Variants in SLC39A11 observed in about 807,000 individuals in gnomAD.
SLC39A11 encodes the protein zinc transporter ZIP11.
In SLC39A11, 33 loss-of-function variants were observed where a neutral mutation model predicts 36.1. That is an observed-to-expected ratio of 0.91 (90% confidence interval 0.69 to 1.22). The LOEUF is 1.22. Ranked by LOEUF, SLC39A11 falls within the 50% of genes most tolerant of loss-of-function variation. The pLI is 0.00. For missense variants in SLC39A11, 432 were observed against 430.3 expected, an observed-to-expected ratio of 1.00 and a Z score of -0.03; for synonymous variants, 166 against 170.3, an observed-to-expected ratio of 0.97 and a Z score of 0.20.
intron 6 of SLC39A11, among the ~76,000 whole-genome samples, chr17:72,800,180 C>T (rs1282290810): frequency 6.6e-6 from 1 of 152,116 alleles, no homozygotes; most frequent in African/African-American, 2.4e-5. Flanking sequence ...GACCTCCATC[C>T]CTGAGGCAGG....
chr17:73,030,358 T>C (rs1375661654), intron 4 of SLC39A11, among the ~76,000 whole-genome samples: 2 of 152,238 alleles, frequency 1.3e-5, no homozygotes, highest in Non-Finnish European at 2.9e-5. Flanking sequence ...ACAAGGAATC[T>C]GTTTTACATT....
At chr17:72,754,022 A>G (rs763986500) in intron 6 of SLC39A11, among the ~76,000 whole-genome samples, 259 of 17,906 alleles carry the variant, frequency 0.014, 1 homozygote, top group African/African-American at 0.056. Flanking sequence ...GTATATATGT[A>G]TATATATATA....
chr17:72,812,830 G>C (rs948689349), intron 6 of SLC39A11, among the ~76,000 whole-genome samples: 4 of 152,098 alleles, frequency 2.6e-5, no homozygotes, highest in Non-Finnish European at 5.9e-5. Context: ...TGCTTGGGGG[G>C]GTTTAGTTTT....
At chr17:72,704,906 G>T (rs139566122) in intron 7 of SLC39A11, among the ~76,000 whole-genome samples, 1 of 152,128 alleles carries the variant, frequency 6.6e-6, no homozygotes, top group Non-Finnish European at 1.5e-5. Context: ...GAGAGGAGAC[G>T]GTCTATTTTG....
rs571141770 is a variant in SLC39A11, at chr17:72,699,956, A to G, written c.671+36694T>C. Reference sequence around the variant, plus strand: ...CCCACACCAAAAAAATCAGTCCACGAAAAACCTCAACACAGGAGCTGGCCT... The same window carrying G: ...CCCACACCAAAAAAATCAGTCCACGGAAAACCTCAACACAGGAGCTGGCCT... On this transcript the variant is annotated intron_variant, in intron 7 of 9. Transcript: ENST00000255559. Among the ~76,000 whole-genome samples, 5 of 151,820 alleles carry G rather than the reference A, an allele frequency of 3.3e-5. No homozygotes were observed. The South Asian group carries it at 1.0e-3, about 32-fold the overall frequency.
intron 6 of SLC39A11, among the ~76,000 whole-genome samples, chr17:72,835,173 TATA>T (rs2078472215): frequency 6.6e-6 from 1 of 152,254 alleles, no homozygotes. Flanking sequence ...CTGTGCTAAT[TATA>T]ATGTCAGGCT....
chr17:73,025,052 G>A (rs2058487942), intron 4 of SLC39A11, among the ~76,000 whole-genome samples: 1 of 151,868 alleles, frequency 6.6e-6, no homozygotes, highest in Non-Finnish European at 1.5e-5. Flanking sequence ...CACGCACACT[G>A]TTCATTTAAG....
rs2075846795 is a variant in SLC39A11 at position 72,769,085 on chromosome 17, T to TA, written c.602-32367dup. ...AACTTCTTGGCTTTTAGATCACATT[T>TA]AACAAACGACTTCCCCCAGGCCACC... On this transcript the variant is annotated intron_variant, in intron 6 of 9. Coordinates refer to ENST00000255559, the MANE Select transcript of SLC39A11 (RefSeq NM_139177.4). 2.0e-5 allele frequency among the ~76,000 whole-genome samples: 3 copies of TA among 152,254 alleles called. No homozygotes were observed. The South Asian group carries it at 6.2e-4, about 32-fold the overall frequency.
At chr17:73,009,210 A>G (rs1031314908) in intron 4 of SLC39A11, among the ~76,000 whole-genome samples, 2 of 151,932 alleles carry the variant, frequency 1.3e-5, no homozygotes, top group Non-Finnish European at 2.9e-5. Flanking sequence ...AAAAATATGA[A>G]AACGAAAAAT....
intron 6 of SLC39A11, among the ~76,000 whole-genome samples, chr17:72,805,769 G>A (rs1196149111): frequency 6.7e-6 from 1 of 148,454 alleles, no homozygotes; most frequent in East Asian, 2.0e-4. Context: ...TTTTTTCTGA[G>A]ATGGAGTCTT....
chr17:73,004,514 A>G (rs190011179), intron 4 of SLC39A11, among the ~76,000 whole-genome samples: 86 of 152,242 alleles, frequency 5.6e-4, no homozygotes, highest in African/African-American at 1.9e-3. Context: ...TTACCTCCCA[A>G]AGGTTCCCAT....
chr17:72,935,224 TTC>T (rs2084669637), intron 5 of SLC39A11, among the ~76,000 whole-genome samples: 2 of 152,156 alleles, frequency 1.3e-5, no homozygotes, highest in Non-Finnish European at 2.9e-5. Flanking sequence ...CATAATGAAG[TTC>T]TCTGAAATGC....
At chr17:72,743,650 G>A (rs1210246569) in intron 6 of SLC39A11, among the ~76,000 whole-genome samples, 1 of 152,140 alleles carries the variant, frequency 6.6e-6, no homozygotes, top group Non-Finnish European at 1.5e-5. Flanking sequence ...CTAAGCTCAT[G>A]AGAAGGCAGG....
chr17:72,915,659 A>C (rs1436459940), intron 5 of SLC39A11, among the ~76,000 whole-genome samples: 1 of 152,202 alleles, frequency 6.6e-6, no homozygotes, highest in Non-Finnish European at 1.5e-5. Flanking sequence ...TGTTTAGCTC[A>C]TATGCTAGCA....
chr17:72,861,689 A>ATATAT (rs1410780416), intron 5 of SLC39A11, among the ~76,000 whole-genome samples: 19 of 96,646 alleles, frequency 2.0e-4, no homozygotes, highest in African/African-American at 5.3e-4. Flanking sequence ...ATATATATAT[A>ATATAT]AAATATATAT....
chr17:72,755,017 AT>A (rs1174643101), intron 6 of SLC39A11, among the ~76,000 whole-genome samples: 1 of 152,078 alleles, frequency 6.6e-6, no homozygotes, highest in Non-Finnish European at 1.5e-5. Flanking sequence ...GCCTTTTTGT[AT>A]CCACAGGATA....
At chr17:72,918,385 G>C (rs550993866) in intron 5 of SLC39A11, among the ~76,000 whole-genome samples, 5 of 152,238 alleles carry the variant, frequency 3.3e-5, no homozygotes, top group African/African-American at 1.2e-4. Flanking sequence ...CTCCAGCCTG[G>C]GCGACAAGCG....
At position 72,796,918 on chromosome 17, in the gene SLC39A11, G is replaced by A. The variant is rs56930520; in HGVS notation, c.601+52716C>T. Among the ~76,000 whole-genome samples, 999 of 152,200 alleles carry A rather than the reference G, an allele frequency of 6.6e-3. 21 individuals carry two copies. The highest frequency in any genetic ancestry group is 0.023 in the African/African-American group (953 of 41,478). The stretch of plus-strand genomic sequence containing the variant: ...ATAACACACAGACGAAATGATGACC[G>A]AGAATGCAATACAAGGTGGCAAGTG... On this transcript the variant is annotated intron_variant, in intron 6 of 9. Transcript: ENST00000255559.
intron 7 of SLC39A11, among the ~76,000 whole-genome samples, chr17:72,700,619 AG>A (rs1288610643): frequency 6.6e-6 from 1 of 152,230 alleles, no homozygotes; most frequent in Non-Finnish European, 1.5e-5. Flanking sequence ...GGGGTAAGAC[AG>A]AGGTGGGGCT....
Sources: gnomAD v4.1 joint callset for allele counts (sites outside exome capture counted in the v4.1 genomes callset) on GRCh38, gnomAD v4.1.1 for gene constraint, MANE v1.5 for transcripts, NCBI Gene and HGNC (gene_info 2026-07-23, HGNC 2026-07-21) for gene names.